The following MIDEAS variants were observed in gnomAD, a reference collection of about 807,000 sequenced individuals.
MIDEAS encodes mitotic deacetylase associated SANT domain protein.
In MIDEAS, 26 loss-of-function variants were observed where a neutral mutation model predicts 102.7. That is an observed-to-expected ratio of 0.25 (90% CI 0.19 to 0.35). MIDEAS has a LOEUF of 0.35. MIDEAS is among the 10% of genes least tolerant of loss of function. The probability of loss-of-function intolerance (pLI) is 1.00; values close to 1 mark genes in which losing one functional copy is unlikely to be tolerated. For synonymous variants in MIDEAS, 585 were observed against 591.0 expected (o/e 0.99, Z 0.15); for missense variants, 1,231 against 1,435.6 (o/e 0.86, Z 2.30).
intron 1 of MIDEAS, among the ~76,000 whole-genome samples, chr14:73,773,697 G>C (rs1481482106): frequency 2.6e-5 from 4 of 151,888 alleles, no homozygotes; most frequent in Admixed American, 2.6e-4. Flanking sequence ...CAGCCCTAAG[G>C]GTGGCTCAAC....
At position 73,739,810 on chromosome 14, in the gene MIDEAS, G is replaced by A; in HGVS notation, c.199C>T (p.Pro67Ser). 1.2e-6 allele frequency: 2 copies of A among 1,613,152 alleles called. No homozygotes were observed. Among genetic ancestry groups the A allele is most frequent in the East Asian group, 4.5e-5 (2 of 44,866 alleles). The change falls in exon 2 of 13, where the codon CCT becomes TCT. Residue 67 changes from proline (P) to serine (S), a missense_variant. Around this residue, in one of 5 missense-constraint regions of MIDEAS, gnomAD observed 758 missense variants for 856.0 expected, o/e 0.89. Transcript: ENST00000423556. ...GAGTTCAGCAGGGCCAGGCTGCTAG[G>A]AGGGGGCAGTTCCACAGGCTGAGAG... ...STSQPVELPP[P>S]SSLALLNSVV... is the part of the protein sequence containing the mutation.
chr14:73,776,990 A>G (rs1191286162), intron 1 of MIDEAS, among the ~76,000 whole-genome samples: 1 of 151,898 alleles, frequency 6.6e-6, no homozygotes. Context: ...GAATAGTTTG[A>G]ACCCGGGAGG....
Position 73,725,168 on chromosome 14 carries a change from G to A in MIDEAS, c.2574+104C>T. ...CTCTCTGAGGCTACTCAGTAGCATT[G>A]ACCTGACTGCTTTTTAAGAGGGATT... On this transcript the variant is annotated intron_variant, in intron 9 of 12. Transcript: ENST00000423556. The surrounding 1 kb of genome is among the most constrained non-coding windows in gnomAD (Gnocchi z 4.1). 1.2e-6 allele frequency: 1 copy of A among 837,620 alleles called. No individual in the cohort carries two copies. The highest frequency in any genetic ancestry group is 2.4e-5 in the East Asian group (1 of 40,994). The allele number at this position is 837,620 out of a possible 1,614,324, so 51.9% of individuals were successfully genotyped here.
intron 1 of MIDEAS, among the ~76,000 whole-genome samples, chr14:73,755,320 G>GC (rs141480244): frequency 0.025 from 3,843 of 152,176 alleles, 56 homozygotes; most frequent in African/African-American, 0.037. Context: ...GAGACCCCCA[G>GC]CCCCACCCCA....
chr14:73,737,493 G>A (rs751104982), intron 2 of MIDEAS, among the ~76,000 whole-genome samples, 196 bp from the exon 3 acceptor site: 25 of 152,226 alleles, frequency 1.6e-4, no homozygotes, highest in Middle Eastern at 6.8e-3. Flanking sequence ...GGGCATGGTG[G>A]CAAACTCCTG....
Position 73,726,685 on chromosome 14 carries a change from G to A in MIDEAS, c.2328C>T (p.Ala776=), listed in dbSNP as rs1377999439. The A allele has an allele frequency of 3.1e-6, 5 of 1,614,250 alleles. No homozygotes were observed. The highest frequency in any genetic ancestry group is 4.2e-6 in the Non-Finnish European group (5 of 1,180,032). ...CAGCACCAGGGAAAATGCTGGAGCAGGCGGCTGTCAGCAGGTCTTCCACTG... is the reference window on the plus strand; with the variant it reads ...CAGCACCAGGGAAAATGCTGGAGCAAGCGGCTGTCAGCAGGTCTTCCACTG... ...QRQVEDLLTA[A]CSSIFPGAGT... is the part of the protein sequence containing the mutation. The change falls in exon 7 of 13, where the codon GCC becomes GCT. Residue 776 remains alanine, a synonymous_variant. Coordinates refer to ENST00000423556, the MANE Select transcript of MIDEAS (RefSeq NM_001367710.1).
At position 73,740,098 on chromosome 14, in the gene MIDEAS, C is replaced by A; in HGVS notation, c.-90G>T. The A allele has an allele frequency of 7.1e-7, 1 of 1,398,858 alleles. No individual in the cohort carries two copies. The allele number at this position is 1,398,858 out of a possible 1,614,324, so 86.7% of individuals were successfully genotyped here. On this transcript the variant is annotated 5_prime_UTR_variant, in exon 2 of 13. Coordinates refer to ENST00000423556, the MANE Select transcript of MIDEAS (RefSeq NM_001367710.1). ...GTCCTGCTGGAAGCCGGGCTCTAGT[C>A]CAGGAGCCAGGGAGGGCAGAGCAGG...
Position 73,718,685 on chromosome 14 carries a change from A to G in MIDEAS, c.*158T>C. The G allele has an allele frequency of 1.3e-6, 1 of 752,640 alleles. No individual in the cohort carries two copies. Among genetic ancestry groups the G allele is most frequent in the Non-Finnish European group, 1.9e-6 (1 of 533,808 alleles). 46.6% of individuals were successfully genotyped at this position (752,640 alleles called of 1,614,324 possible). A position where few individuals can be genotyped will look rare whatever the true frequency, so the allele number is the denominator to read the frequency against. The stretch of plus-strand genomic sequence containing the variant: ...AACGCTGCTCCCAGGGCCTTCATAA[A>G]TAAAAGAGCCGTTTATGTCATTGTC... On this transcript the variant is annotated 3_prime_UTR_variant, in exon 13 of 13. Coordinates refer to ENST00000423556, the MANE Select transcript of MIDEAS (RefSeq NM_001367710.1).
intron 11 of MIDEAS, among the ~76,000 whole-genome samples, chr14:73,719,834 G>T (rs1238870969): frequency 1.3e-5 from 2 of 151,452 alleles, no homozygotes; most frequent in African/African-American, 2.4e-5. Context: ...GTCCGCTCAT[G>T]CCCTGTTCTA....
At chr14:73,756,295 T>TGTGTGTGTGTGCGCGCGC (rs55692592) in intron 1 of MIDEAS, among the ~76,000 whole-genome samples, 26 of 127,716 alleles carry the variant, frequency 2.0e-4, no homozygotes, top group African/African-American at 6.4e-4. Context: ...TGTGTGTGTG[T>TGTGTGTGTGTGCGCGCGC]GCGCGCGCGC....
chr14:73,725,297 T>G lies in MIDEAS; in HGVS notation c.2549A>C (p.Lys850Thr). 1 of 1,614,092 alleles carries G rather than the reference T, an allele frequency of 6.2e-7. No individual in the cohort carries two copies. The highest frequency in any genetic ancestry group is 8.5e-7 in the Non-Finnish European group (1 of 1,179,940). The change falls in exon 9 of 13, where the codon AAG (lysine) becomes ACG (threonine). Residue 850 changes from lysine to threonine, a missense_variant. Physicochemically the swap from Lys to Thr is moderately conservative, Grantham distance 78 (BLOSUM62 -1). Around this residue, in one of 5 missense-constraint regions of MIDEAS, gnomAD observed 391 missense variants for 483.0 expected, o/e 0.81. Coordinates refer to ENST00000423556, the MANE Select transcript of MIDEAS (RefSeq NM_001367710.1). The surrounding 1 kb of genome is among the most constrained non-coding windows in gnomAD (Gnocchi z 4.1). ...CAGCTTCTGCACCAGGAAGAAATCC[T>G]TCTTGTAGATGGCAATGCCTTTGTT... is the stretch of plus-strand genomic sequence containing the variant. Reference protein sequence around the residue: ...LFNKGIAIYKKDFFLVQKLIQ... With the variant: ...LFNKGIAIYKTDFFLVQKLIQ...
Position 73,718,151 on chromosome 14 carries a change from C to T in MIDEAS, c.*692G>A, listed in dbSNP as rs2052921704. 2 of 152,520 alleles carry T rather than the reference C, an allele frequency of 1.3e-5. No homozygotes were observed. Among genetic ancestry groups the T allele is most frequent in the Non-Finnish European group, 2.9e-5 (2 of 68,304 alleles). 9.4% of individuals were successfully genotyped at this position (152,520 alleles called of 1,614,324 possible). ...GCTTTGGACAAGAACGCTAGCCCCT[C>T]CCCCAACGCTGAGAAAACTTTCTAG... On this transcript the variant is annotated 3_prime_UTR_variant, in exon 13 of 13. Coordinates refer to ENST00000423556, the MANE Select transcript of MIDEAS (RefSeq NM_001367710.1).
intron 1 of MIDEAS, among the ~76,000 whole-genome samples, chr14:73,786,940 C>T (rs2140185995): frequency 6.6e-6 from 1 of 151,966 alleles, no homozygotes; most frequent in South Asian, 2.1e-4. Context: ...CGCCCCGACC[C>T]CGGCCGCCGA....
chr14:73,721,986 T>A (rs1290080039), intron 10 of MIDEAS, among the ~76,000 whole-genome samples: 2 of 152,226 alleles, frequency 1.3e-5, no homozygotes, highest in African/African-American at 4.8e-5. Context: ...GGTGGATACA[T>A]GGACATAGGA....
intron 9 of MIDEAS, chr14:73,723,132 G>A (rs1027604595): frequency 3.5e-5 from 8 of 228,852 alleles, no homozygotes; most frequent in South Asian, 1.7e-4. Context: ...CATATCAGAG[G>A]GCATTACTGT....
intron 1 of MIDEAS, among the ~76,000 whole-genome samples, chr14:73,765,575 AAGCTGAG>A (rs2140162564): frequency 6.6e-6 from 1 of 152,232 alleles, no homozygotes; most frequent in African/African-American, 2.4e-5. Flanking sequence ...CTACTGCATA[AAGCTGAG>A]ACTGTTAGCT....
At chr14:73,737,392 G>C (rs189173916) in intron 2 of MIDEAS, 95 bp from the exon 3 acceptor site, 1 of 1,346,558 alleles carries the variant, frequency 7.4e-7, no homozygotes, top group Admixed American at 2.2e-5. Flanking sequence ...GGGAGGACAA[G>C]ATTAAAGGAT....
chr14:73,774,186 C>A (rs1027316010), intron 1 of MIDEAS, among the ~76,000 whole-genome samples: 2 of 151,810 alleles, frequency 1.3e-5, no homozygotes, highest in Non-Finnish European at 2.9e-5. Flanking sequence ...CATAAAGACA[C>A]CGCCTGCCAG....
chr14:73,721,000 A>C (rs909522253), intron 11 of MIDEAS, among the ~76,000 whole-genome samples: 8 of 152,098 alleles, frequency 5.3e-5, no homozygotes, highest in African/African-American at 1.7e-4. Flanking sequence ...TTCCCTCTGA[A>C]TCTCAGATAC....
Sources: allele counts gnomAD v4.1 joint callset (sites outside exome capture counted in the v4.1 genomes callset), GRCh38; gene constraint gnomAD v4.1.1; regional missense constraint gnomAD v4.1.1; non-coding constraint Gnocchi (gnomAD v3.1); transcripts MANE v1.5; gene names NCBI Gene and HGNC (gene_info 2026-07-23, HGNC 2026-07-21).